WWC1: variants seen among roughly 807,000 people sequenced by gnomAD.
WWC1 encodes protein KIBRA.
A neutral mutation model predicts 138.4 loss-of-function variants in WWC1; 55 were observed. The observed-to-expected ratio is 0.40, with a 90% confidence interval of 0.32 to 0.50. The LOEUF is 0.50. Ranked by LOEUF, WWC1 falls within the 20% of genes least tolerant of loss-of-function variation. The pLI is 0.72. For missense variants in WWC1, 1,226 were observed against 1,420.4 expected (o/e 0.86, Z 2.20); for synonymous variants, 524 against 564.9 (o/e 0.93, Z 1.03).
Position 168,455,539 on chromosome 5 carries a change from C to G in WWC1, c.2823+19C>G, listed in dbSNP as rs752556463. 1 of 1,609,054 alleles carries G rather than the reference C, an allele frequency of 6.2e-7. No homozygotes were observed. Among genetic ancestry groups the G allele is most frequent in the Admixed American group, 1.7e-5 (1 of 59,248 alleles). ...GTGCCGGGTAAGTGAGCGTGCGGCC[C>G]TCTTCTGCTCCCCTCAGGGTAGCCG... is the stretch of plus-strand genomic sequence containing the variant. On this transcript the variant is annotated intron_variant, in intron 19 of 22. Transcript: ENST00000265293.
Position 168,308,176 on chromosome 5 carries a change from C to T in WWC1, c.119+15905C>T, listed in dbSNP as rs139995679. Among the ~76,000 whole-genome samples the T allele has an allele frequency of 1.7e-3, 256 of 152,338 alleles. 5 individuals are homozygous for T. Among genetic ancestry groups the T allele is most frequent in the Admixed American group, 0.015 (236 of 15,304 alleles). ...CTTTAGCCGTGCATGGGTTACCTTCCACTTCTGCAGCACATTGGTTAAAAC... is the reference window on the plus strand; with the variant it reads ...CTTTAGCCGTGCATGGGTTACCTTCTACTTCTGCAGCACATTGGTTAAAAC... On this transcript the variant is annotated intron_variant, in intron 1 of 22. Transcript: ENST00000265293.
intron 4 of WWC1, among the ~76,000 whole-genome samples, chr5:168,398,488 A>ATAT (rs1779076318): frequency 6.6e-6 from 1 of 152,202 alleles, no homozygotes. Context: ...TCTTACTCCA[A>ATAT]AGTTTCTAAT....
intron 3 of WWC1, among the ~76,000 whole-genome samples, chr5:168,388,382 A>G (rs1400893750): frequency 1.3e-5 from 2 of 152,166 alleles, no homozygotes; most frequent in Non-Finnish European, 2.9e-5. Flanking sequence ...GCCATAAAAG[A>G]CATTCTCAGA....
intron 1 of WWC1, among the ~76,000 whole-genome samples, chr5:168,309,862 A>G (rs1770909771): frequency 6.6e-6 from 1 of 152,134 alleles, no homozygotes; most frequent in Admixed American, 6.5e-5. Flanking sequence ...GTCTGTTTCT[A>G]GGTACCCACT....
At chr5:168,399,103 G>C (rs1779125486) in intron 4 of WWC1, among the ~76,000 whole-genome samples, 1 of 152,184 alleles carries the variant, frequency 6.6e-6, no homozygotes, top group Non-Finnish European at 1.5e-5. Context: ...CATGGCTCTG[G>C]AAATTGCCAT....
At chr5:168,466,283 C>A (rs1757288230) in intron 21 of WWC1, among the ~76,000 whole-genome samples, 1 of 152,032 alleles carries the variant, frequency 6.6e-6, no homozygotes, top group Non-Finnish European at 1.5e-5. Context: ...CAATATGGGA[C>A]CAATATGCAA....
Position 168,423,626 on chromosome 5 carries a change from C to T in WWC1, c.1368C>T (p.Ser456=), listed in dbSNP as rs776450935. The change falls in exon 11 of 23, where the codon TCC becomes TCT. Residue 456 remains serine, a synonymous_variant. Coordinates refer to ENST00000265293, the MANE Select transcript of WWC1 (RefSeq NM_015238.3). ...RGSLVASSLD[S]STSASFTDLY... ...CCCTGGTTGCATCCAGCCTGGACTC[C>T]TCCACTTCAGCCAGCTTCACTGACC... 8.1e-6 allele frequency: 13 copies of T among 1,614,060 alleles called. No individual in the cohort carries two copies. In the East Asian group the frequency reaches 2.9e-4, roughly 36 times the overall value.
intron 1 of WWC1, among the ~76,000 whole-genome samples, chr5:168,371,151 G>A (rs1478731670): frequency 6.6e-6 from 1 of 152,214 alleles, no homozygotes; most frequent in African/African-American, 2.4e-5. Context: ...AAAGAAGGAA[G>A]TTGACTTGCT....
intron 1 of WWC1, among the ~76,000 whole-genome samples, chr5:168,297,027 A>T (rs1317009831): frequency 6.6e-6 from 1 of 151,564 alleles, no homozygotes; most frequent in Non-Finnish European, 1.5e-5. Flanking sequence ...TGGATCTGCC[A>T]CTTGCTACCT....
intron 20 of WWC1, 148 bp downstream of exon 20, chr5:168,460,890 A>G (rs978877951): frequency 1.3e-6 from 1 of 790,316 alleles, no homozygotes; most frequent in Non-Finnish European, 2.1e-6. Flanking sequence ...ATTTGCGAAC[A>G]GATGTTTGTG....
chr5:168,338,811 C>T (rs1773728688), intron 1 of WWC1, among the ~76,000 whole-genome samples: 1 of 152,096 alleles, frequency 6.6e-6, no homozygotes, highest in Admixed American at 6.5e-5. Context: ...AAAAGTAGAA[C>T]AGGGGATTCT....
chr5:168,317,759 G>A (rs1378193937), intron 1 of WWC1, among the ~76,000 whole-genome samples: 1 of 152,104 alleles, frequency 6.6e-6, no homozygotes, highest in Non-Finnish European at 1.5e-5. Context: ...AAGTGGACTG[G>A]GACAGTTTAG....
chr5:168,403,019 T>TTTCTTTCC (rs1779444888), intron 5 of WWC1, among the ~76,000 whole-genome samples: 1 of 101,974 alleles, frequency 9.8e-6, no homozygotes, highest in Non-Finnish European at 1.9e-5. Flanking sequence ...TCTTTCTTTC[T>TTTCTTTCC]TTCTTTCTTT....
At chr5:168,457,154 T>A (rs1412862119) in intron 19 of WWC1, among the ~76,000 whole-genome samples, 3 of 151,724 alleles carry the variant, frequency 2.0e-5, no homozygotes, top group African/African-American at 7.3e-5. Context: ...TTTTTTTTTT[T>A]TTTTTTTTAG....
chr5:168,374,645 G>A (rs991282305), intron 2 of WWC1, among the ~76,000 whole-genome samples: 1 of 152,198 alleles, frequency 6.6e-6, no homozygotes, highest in Non-Finnish European at 1.5e-5. Flanking sequence ...CTCTTCCGCT[G>A]TGTGAGATGG....
Position 168,465,979 on chromosome 5 carries a change from G to A in WWC1, c.3150+1017G>A, listed in dbSNP as rs77773093. ...CAAGGGAACTCCTAGGGGAGAGCTC[G>A]GGAAGAGGGACCATCTAGGTTAGGT... On this transcript the variant is annotated intron_variant, in intron 21 of 22. Coordinates refer to ENST00000265293, the MANE Select transcript of WWC1 (RefSeq NM_015238.3). 4.1e-3 allele frequency among the ~76,000 whole-genome samples: 623 copies of A among 152,192 alleles called. 14 individuals are homozygous for A. The highest frequency in any genetic ancestry group is 0.022 in the East Asian group (111 of 5,150).
intron 2 of WWC1, among the ~76,000 whole-genome samples, chr5:168,376,730 T>C (rs1465990090): frequency 6.7e-6 from 1 of 149,254 alleles, no homozygotes; most frequent in African/African-American, 2.5e-5. Flanking sequence ...GCCAAGGAGG[T>C]GAAAGATATA....
At chr5:168,432,885 T>G (rs769188862) in intron 15 of WWC1, among the ~76,000 whole-genome samples, 2 of 152,230 alleles carry the variant, frequency 1.3e-5, no homozygotes, top group Non-Finnish European at 2.9e-5. Context: ...GAAGCTGGAA[T>G]GTAGAGCCTC....
At chr5:168,452,715 A>G (rs1274141541) in intron 17 of WWC1, among the ~76,000 whole-genome samples, 1 of 152,096 alleles carries the variant, frequency 6.6e-6, no homozygotes, top group Admixed American at 6.6e-5. Context: ...CTTGCTTGGA[A>G]ATGTAAGTAA....
Sources: allele counts gnomAD v4.1 joint callset (sites outside exome capture counted in the v4.1 genomes callset), GRCh38; gene constraint gnomAD v4.1.1; transcripts MANE v1.5; gene names NCBI Gene and HGNC (gene_info 2026-07-23, HGNC 2026-07-21).